The following PCDHA9 variants were observed in gnomAD, a reference collection of about 807,000 sequenced individuals.
PCDHA9 encodes the protein protocadherin alpha-9.
Under a neutral mutation model 62.0 loss-of-function variants are expected in PCDHA9, and 62 were observed. That is an observed-to-expected ratio of 1.00 (90% CI 0.81 to 1.23). PCDHA9 has a LOEUF of 1.23. PCDHA9 is among the 50% of genes most tolerant of loss of function. The pLI, the probability that PCDHA9 is intolerant of heterozygous loss-of-function variation, is 0.00. For missense variants in PCDHA9, 1,205 were observed against 1,249.8 expected (o/e 0.96, Z 0.54); for synonymous variants, 557 against 567.6 (o/e 0.98, Z 0.27).
chr5:140,885,430 A>T (rs1216159578), intron 1 of PCDHA9, among the ~76,000 whole-genome samples: 2 of 152,132 alleles, frequency 1.3e-5, no homozygotes, highest in African/African-American at 4.8e-5. Context: ...CCACAGTGTA[A>T]GTGTGCAATT....
chr5:140,874,167 T>C lies in PCDHA9; in HGVS notation c.2394+23278T>C, dbSNP rs910574514. On this transcript the variant is annotated intron_variant, in intron 1 of 3. Coordinates refer to ENST00000532602, the MANE Select transcript of PCDHA9 (RefSeq NM_031857.2). ...TGTAGAGCCATTCTTGGTTACTCTTTCCTGGTGTTGTAAAGGTGTCATATT... is the reference window on the plus strand; with the variant it reads ...TGTAGAGCCATTCTTGGTTACTCTTCCCTGGTGTTGTAAAGGTGTCATATT... 4.6e-5 allele frequency among the ~76,000 whole-genome samples: 7 copies of C among 152,340 alleles called. No homozygotes were observed. The East Asian group carries it at 1.2e-3, about 25-fold the overall frequency.
chr5:140,930,055 A>G (rs1249446079), intron 1 of PCDHA9: 2 of 152,206 alleles, frequency 1.3e-5, no homozygotes, highest in Admixed American at 6.5e-5. Context: ...GTTTTTGCTT[A>G]CACAAAAACT....
Position 140,858,435 on chromosome 5 carries a change from A to T in PCDHA9, c.2394+7546A>T, listed in dbSNP as rs2045411060. The T allele has an allele frequency of 2.5e-5, 38 of 1,543,330 alleles. 4 individuals are homozygous for T. Among genetic ancestry groups the T allele is most frequent in the Non-Finnish European group, 3.1e-5 (35 of 1,135,660 alleles). ...TCTATTGGAGGGGACCACTCTAGGA[A>T]GGTGGGTTATTACGTTTTCATTTTC... On this transcript the variant is annotated intron_variant, in intron 1 of 3. Transcript: ENST00000532602.
intron 1 of PCDHA9, chr5:140,926,762 C>T: frequency 7.5e-7 from 1 of 1,326,672 alleles, no homozygotes; most frequent in Non-Finnish European, 9.8e-7. Context: ...CGCTGAGTAT[C>T]CAGCCCGCAG....
intron 1 of PCDHA9, among the ~76,000 whole-genome samples, chr5:140,941,058 T>C (rs1554213707): frequency 6.6e-6 from 1 of 152,106 alleles, no homozygotes; most frequent in East Asian, 1.9e-4. Context: ...TCCCCAGCAG[T>C]TTTCTGGGCT....
At chr5:140,869,609 C>T (rs1554163287) in intron 1 of PCDHA9, 1 of 1,613,972 alleles carries the variant, frequency 6.2e-7, no homozygotes, top group Non-Finnish European at 8.5e-7. Flanking sequence ...GCTCTATTGA[C>T]CTACAGGCTA....
At position 140,978,807 on chromosome 5, in the gene PCDHA9, A is replaced by G. The variant is rs1489269679; in HGVS notation, c.2395-142A>G. 3.3e-6 allele frequency: 5 copies of G among 1,494,726 alleles called. No individual in the cohort carries two copies. In the African/African-American group the frequency reaches 4.2e-5, roughly 12 times the overall value. The allele number at this position is 1,494,726 out of a possible 1,614,324, so 92.6% of individuals were successfully genotyped here. A position where few individuals can be genotyped will look rare whatever the true frequency, so the allele number is the denominator to read the frequency against. ...AAGTGCTATATATGTAGATATCATC[A>G]TAGAGTTACACATGAAATGGCTCAT... On this transcript the variant is annotated intron_variant, in intron 1 of 3. Coordinates refer to ENST00000532602, the MANE Select transcript of PCDHA9 (RefSeq NM_031857.2).
chr5:140,941,446 G>C (rs1241311664), intron 1 of PCDHA9, among the ~76,000 whole-genome samples: 1 of 150,694 alleles, frequency 6.6e-6, no homozygotes, highest in African/African-American at 2.4e-5. Flanking sequence ...CTCGGGAGTA[G>C]CTGGGATTAC....
At chr5:140,876,283 G>A in intron 1 of PCDHA9, 1 of 1,614,056 alleles carries the variant, frequency 6.2e-7, no homozygotes. Flanking sequence ...CGATCCAGAC[G>A]AAGGACTTAA....
At position 140,858,238 on chromosome 5, in the gene PCDHA9, T is replaced by C. The variant is rs1351813678; in HGVS notation, c.2394+7349T>C. 3.1e-6 allele frequency: 5 copies of C among 1,595,920 alleles called. 1 individual carries two copies. Among genetic ancestry groups the C allele is most frequent in the Non-Finnish European group, 4.3e-6 (5 of 1,166,390 alleles). ...CGGCGGCGCCCACCGAGGGCGCATGTGGGCCGGTGAAGCCCACGCTGGTGT... is the reference window on the plus strand; with the variant it reads ...CGGCGGCGCCCACCGAGGGCGCATGCGGGCCGGTGAAGCCCACGCTGGTGT... On this transcript the variant is annotated intron_variant, in intron 1 of 3. Coordinates refer to ENST00000532602, the MANE Select transcript of PCDHA9 (RefSeq NM_031857.2).
chr5:140,941,211 CTTCCTTTCTTTCTTTCTTT>C (rs1563185577), intron 1 of PCDHA9, among the ~76,000 whole-genome samples: 1,494 of 129,708 alleles, frequency 0.012, 26 homozygotes, highest in African/African-American at 0.041. Flanking sequence ...TCCTTTCTTT[CTTCCTTTCTTTCTTTCTTT>C]CTTTCTTTCT....
intron 1 of PCDHA9, chr5:140,966,570 G>A: frequency 2.0e-6 from 1 of 501,774 alleles, no homozygotes; most frequent in Non-Finnish European, 3.3e-6. Context: ...GGAATATGGG[G>A]AGTCAGCGAG....
At chr5:140,863,631 G>A (rs2048100597) in intron 1 of PCDHA9, 1 of 306,834 alleles carries the variant, frequency 3.3e-6, no homozygotes, top group Non-Finnish European at 6.4e-6. Flanking sequence ...CATTGATAAT[G>A]TTCACCAAGT....
At chr5:140,928,844 C>A (rs782361945) in intron 1 of PCDHA9, 9 of 1,614,168 alleles carry the variant, frequency 5.6e-6, no homozygotes, top group Non-Finnish European at 7.6e-6. Context: ...TCCTCTGTCA[C>A]TCTGGGTGTG....
intron 1 of PCDHA9, among the ~76,000 whole-genome samples, chr5:140,924,841 G>C (rs891279703): frequency 1.1e-4 from 17 of 151,378 alleles, no homozygotes; most frequent in South Asian, 2.1e-4. Context: ...GTTGCAGGGA[G>C]CTCAGATCGT....
At chr5:140,967,351 G>C in intron 1 of PCDHA9, 1 of 1,608,106 alleles carries the variant, frequency 6.2e-7, no homozygotes, top group South Asian at 1.1e-5. Context: ...ACTTCGAGCT[G>C]GACCTTAAGC....
At chr5:140,875,277 G>T in intron 1 of PCDHA9, 1 of 1,315,080 alleles carries the variant, frequency 7.6e-7, no homozygotes, top group African/African-American at 1.5e-5. Context: ...CACTCAGAAG[G>T]TGAAACAGGA....
intron 1 of PCDHA9, among the ~76,000 whole-genome samples, chr5:140,895,002 A>C (rs1003440406): frequency 6.6e-6 from 1 of 152,030 alleles, no homozygotes; most frequent in Non-Finnish European, 1.5e-5. Flanking sequence ...TACCCTTTTT[A>C]CTTGGACCTT....
At chr5:140,877,403 G>C (rs199806507) in intron 1 of PCDHA9, 1 of 1,613,770 alleles carries the variant, frequency 6.2e-7, no homozygotes, top group Non-Finnish European at 8.5e-7. Context: ...GACGCTCCGC[G>C]CCACCGCCTG....
Sources: allele counts gnomAD v4.1 joint callset (sites outside exome capture counted in the v4.1 genomes callset), GRCh38; gene constraint gnomAD v4.1.1; transcripts MANE v1.5; gene names NCBI Gene and HGNC (gene_info 2026-07-23, HGNC 2026-07-21).